The following SESTD1 variants were observed in gnomAD, a reference collection of about 807,000 sequenced individuals.
SESTD1 encodes the protein SEC14 domain and spectrin repeat-containing protein 1.
A neutral mutation model predicts 101.7 loss-of-function variants in SESTD1; 43 were observed. That is an observed-to-expected ratio of 0.42 (90% CI 0.33 to 0.55). SESTD1 has a LOEUF of 0.55. SESTD1 is among the 20% of genes least tolerant of loss of function. The pLI is 0.07. For missense variants in SESTD1, 647 were observed against 815.1 expected (o/e 0.79, Z 2.51); for synonymous variants, 283 against 286.8 (o/e 0.99, Z 0.13).
intron 1 of SESTD1, among the ~76,000 whole-genome samples, chr2:179,259,080 A>G (rs2047442229): frequency 6.6e-6 from 1 of 152,192 alleles, no homozygotes; most frequent in African/African-American, 2.4e-5. Context: ...GGACTGGGGG[A>G]GTCCACCAAG....
chr2:179,208,988 A>C (rs2046620624), intron 1 of SESTD1, among the ~76,000 whole-genome samples: 1 of 135,280 alleles, frequency 7.4e-6, no homozygotes, highest in South Asian at 2.8e-4. Context: ...TTCAACTGAC[A>C]CATAAGGACT....
rs1266707696 is a variant in SESTD1 at position 179,103,433 on chromosome 2, A to G, written c.*6466T>C. 6.6e-6 allele frequency: 1 copy of G among 152,140 alleles called. No homozygotes were observed. Among genetic ancestry groups the G allele is most frequent in the Non-Finnish European group, 1.5e-5 (1 of 68,010 alleles). The allele number at this position is 152,140 out of a possible 1,614,324, so 9.4% of individuals were successfully genotyped here. A position where few individuals can be genotyped will look rare whatever the true frequency, so the allele number is the denominator to read the frequency against. ...CCTGTGACCCAGCAATTCTAATCCAAGGAATTTACTGCAAAGAAATGAAAA... is the reference window on the plus strand; with the variant it reads ...CCTGTGACCCAGCAATTCTAATCCAGGGAATTTACTGCAAAGAAATGAAAA... On this transcript the variant is annotated 3_prime_UTR_variant, in exon 18 of 18. Transcript: ENST00000428443.
chr2:179,212,630 G>A lies in SESTD1; in HGVS notation c.-25-20764C>T, dbSNP rs1225370127. The stretch of plus-strand genomic sequence containing the variant: ...AGTCCCTGTCTGACAGCTCTGAAGA[G>A]AACAGTTGTTCTCCCAACATGGCGT... On this transcript the variant is annotated intron_variant, in intron 1 of 17. Coordinates refer to ENST00000428443, the MANE Select transcript of SESTD1 (RefSeq NM_178123.5). Among the ~76,000 whole-genome samples the A allele has an allele frequency of 2.2e-5, 3 of 135,974 alleles. 1 individual carries two copies. The highest frequency in any genetic ancestry group is 2.8e-4 in the South Asian group (1 of 3,630). 89.2% of individuals were successfully genotyped at this position (135,974 alleles called of 152,430 possible). A position where few individuals can be genotyped will look rare whatever the true frequency, so the allele number is the denominator to read the frequency against.
chr2:179,214,732 T>C lies in SESTD1; in HGVS notation c.-25-22866A>G, dbSNP rs1234250491. Among the ~76,000 whole-genome samples the C allele has an allele frequency of 2.2e-5, 3 of 134,894 alleles. No individual in the cohort carries two copies. In the East Asian group the frequency reaches 6.0e-4, roughly 27 times the overall value. 88.5% of individuals were successfully genotyped at this position (134,894 alleles called of 152,430 possible). ...ACTTATTCTAAAATTGACCACGTAA[T>C]TGGAAGTAAAGCACTTCTGAGCAAA... On this transcript the variant is annotated intron_variant, in intron 1 of 17. Transcript: ENST00000428443.
chr2:179,188,366 T>C (rs1175029446), intron 2 of SESTD1, among the ~76,000 whole-genome samples: 1 of 152,204 alleles, frequency 6.6e-6, no homozygotes, highest in East Asian at 1.9e-4. Flanking sequence ...AATCAAAAAA[T>C]TGTTTTGAGA....
At chr2:179,118,214 C>T (rs1281232941) in intron 13 of SESTD1, among the ~76,000 whole-genome samples, 4 of 151,890 alleles carry the variant, frequency 2.6e-5, no homozygotes, top group African/African-American at 4.8e-5. Flanking sequence ...TTTTTTAAAA[C>T]CCTCCATCTA....
At chr2:179,154,283 G>GAGGA (rs2045585032) in intron 5 of SESTD1, among the ~76,000 whole-genome samples, 1 of 138,814 alleles carries the variant, frequency 7.2e-6, no homozygotes. Flanking sequence ...GGAAGGAAGG[G>GAGGA]AGGAAGGAAG....
chr2:179,155,313 T>A (rs1183732749), intron 5 of SESTD1, among the ~76,000 whole-genome samples: 1 of 152,068 alleles, frequency 6.6e-6, no homozygotes, highest in Non-Finnish European at 1.5e-5. Context: ...TCCAAAAATG[T>A]CAAGCAATAT....
chr2:179,111,188 G>A (rs1447591553), intron 17 of SESTD1, among the ~76,000 whole-genome samples: 1 of 152,204 alleles, frequency 6.6e-6, no homozygotes, highest in East Asian at 1.9e-4. Context: ...TATTGCAGAT[G>A]TGTAATACAA....
intron 2 of SESTD1, among the ~76,000 whole-genome samples, chr2:179,183,974 G>A (rs574826712): frequency 2.0e-5 from 3 of 152,150 alleles, no homozygotes; most frequent in African/African-American, 7.2e-5. Flanking sequence ...ATTCTGTGAT[G>A]AGGAATGATC....
At chr2:179,259,222 T>C (rs1286504615) in intron 1 of SESTD1, among the ~76,000 whole-genome samples, 1 of 152,126 alleles carries the variant, frequency 6.6e-6, no homozygotes, top group Admixed American at 6.5e-5. Flanking sequence ...CTAGTGTTAG[T>C]TCTCTAGCTT....
chr2:179,114,474 G>A (rs2044583870), intron 16 of SESTD1, among the ~76,000 whole-genome samples: 2 of 152,112 alleles, frequency 1.3e-5, no homozygotes, highest in South Asian at 2.1e-4. Flanking sequence ...TTCTTACTAT[G>A]AAGAGTAAGA....
At chr2:179,116,564 C>T (rs1293517167) in intron 15 of SESTD1, 104 bp downstream of exon 15, 2 of 1,571,848 alleles carry the variant, frequency 1.3e-6, no homozygotes, top group Admixed American at 1.7e-5. Context: ...TCTGGAATAA[C>T]AAAACTAACC....
intron 1 of SESTD1, among the ~76,000 whole-genome samples, chr2:179,201,520 A>G (rs1387665079): frequency 7.5e-6 from 1 of 133,198 alleles, no homozygotes; most frequent in African/African-American, 3.0e-5. Flanking sequence ...CTTGGAACCA[A>G]CCCAAATGTC....
chr2:179,209,086 A>G (rs1307796804), intron 1 of SESTD1, among the ~76,000 whole-genome samples: 1 of 134,940 alleles, frequency 7.4e-6, no homozygotes, highest in Non-Finnish European at 1.6e-5. Context: ...CTATTCTTCT[A>G]TCAGACAAAA....
At chr2:179,252,214 A>G (rs1473248279) in intron 1 of SESTD1, among the ~76,000 whole-genome samples, 2 of 152,234 alleles carry the variant, frequency 1.3e-5, no homozygotes, top group African/African-American at 4.8e-5. Flanking sequence ...CTTAATTCAG[A>G]GGCCCTAATG....
chr2:179,111,974 C>A (rs376735372), intron 17 of SESTD1, among the ~76,000 whole-genome samples: 1 of 152,202 alleles, frequency 6.6e-6, no homozygotes, highest in East Asian at 1.9e-4. Flanking sequence ...CCGCTTTGGC[C>A]TCCCAAACTG....
chr2:179,129,288 C>T (rs2044954993), intron 10 of SESTD1, among the ~76,000 whole-genome samples: 1 of 152,184 alleles, frequency 6.6e-6, no homozygotes, highest in South Asian at 2.1e-4. Flanking sequence ...TTTCCTACCA[C>T]ACACTTTCTT....
intron 1 of SESTD1, among the ~76,000 whole-genome samples, chr2:179,200,110 A>C (rs925693982): frequency 1.3e-5 from 2 of 152,178 alleles, no homozygotes; most frequent in Admixed American, 1.3e-4. Context: ...CAAAAATCAC[A>C]AGCATTCTTA....
Sources: allele counts gnomAD v4.1 joint callset (sites outside exome capture counted in the v4.1 genomes callset), GRCh38; gene constraint gnomAD v4.1.1; transcripts MANE v1.5; gene names NCBI Gene and HGNC (gene_info 2026-07-23, HGNC 2026-07-21).